SLC14A2: variants seen among roughly 807,000 people sequenced by gnomAD.
SLC14A2 encodes the protein urea transporter 2.
A neutral mutation model predicts 104.6 loss-of-function variants in SLC14A2; 91 were observed. The observed-to-expected ratio is 0.87, with a 90% confidence interval of 0.73 to 1.04. SLC14A2 has a LOEUF of 1.04. SLC14A2 is among the 50% of genes least tolerant of loss of function. The pLI is 0.00. For synonymous variants in SLC14A2, 476 were observed against 466.4 expected, an observed-to-expected ratio of 1.02 and a Z score of -0.27; for missense variants, 1,189 against 1,156.0, an observed-to-expected ratio of 1.03 and a Z score of -0.41.
At chr18:45,395,437 C>A (rs2086018392) in intron 1 of SLC14A2, among the ~76,000 whole-genome samples, 2 of 152,138 alleles carry the variant, frequency 1.3e-5, no homozygotes, top group Middle Eastern at 3.2e-3. Context: ...TATAGAATAT[C>A]AGTCATGCAA....
chr18:45,435,709 G>T (rs1268837537), intron 1 of SLC14A2, among the ~76,000 whole-genome samples: 1 of 152,190 alleles, frequency 6.6e-6, no homozygotes, highest in Non-Finnish European at 1.5e-5. Flanking sequence ...AGTGCCTAGT[G>T]GCTTGTCCCA....
At chr18:45,248,944 T>C (rs551118911) in intron 1 of SLC14A2, among the ~76,000 whole-genome samples, 2 of 152,356 alleles carry the variant, frequency 1.3e-5, no homozygotes, top group African/African-American at 2.4e-5. Flanking sequence ...AAATGATTTA[T>C]GAACCTGAGT....
chr18:45,338,244 A>G (rs2085355590), intron 1 of SLC14A2, among the ~76,000 whole-genome samples: 1 of 152,100 alleles, frequency 6.6e-6, no homozygotes, highest in African/African-American at 2.4e-5. Context: ...TCTGTTACCC[A>G]GGCTGGAGTG....
At chr18:45,564,460 C>A (rs1203776597) in intron 2 of SLC14A2, among the ~76,000 whole-genome samples, 1 of 152,152 alleles carries the variant, frequency 6.6e-6, no homozygotes, top group Non-Finnish European at 1.5e-5. Context: ...TTCCTGGCAG[C>A]TTTTTCCACA....
At chr18:45,677,606 C>A (rs1429681398) in intron 18 of SLC14A2, among the ~76,000 whole-genome samples, 1 of 152,172 alleles carries the variant, frequency 6.6e-6, no homozygotes, top group Non-Finnish European at 1.5e-5. Context: ...ATAATGCTGA[C>A]ACATAGGGAA....
chr18:45,651,598 TGCAGGAGCAGG>T (rs1454172816), intron 10 of SLC14A2, among the ~76,000 whole-genome samples: 1 of 152,182 alleles, frequency 6.6e-6, no homozygotes, highest in Admixed American at 6.5e-5. Context: ...GCCCTGATAG[TGCAGGAGCAGG>T]GTGTGGAGGC....
chr18:45,282,900 C>G (rs1442698978), intron 1 of SLC14A2, among the ~76,000 whole-genome samples: 1 of 151,682 alleles, frequency 6.6e-6, no homozygotes, highest in Admixed American at 6.6e-5. Context: ...TGCAAGTCCC[C>G]TTTGTGATTG....
chr18:45,446,014 C>T (rs16978372), intron 1 of SLC14A2, among the ~76,000 whole-genome samples: 23,886 of 152,090 alleles, frequency 0.16, 2,678 homozygotes, highest in African/African-American at 0.29. Context: ...TCACTGGGTT[C>T]TAACTTAGGC....
chr18:45,519,177 C>T lies in SLC14A2; in HGVS notation c.-35+35855C>T, dbSNP rs533328763. 2.0e-5 allele frequency among the ~76,000 whole-genome samples: 3 copies of T among 152,282 alleles called. No homozygotes were observed. The East Asian group carries it at 5.8e-4, about 29-fold the overall frequency. On this transcript the variant is annotated intron_variant, in intron 2 of 20. Coordinates refer to the SLC14A2 transcript ENST00000586448. The stretch of plus-strand genomic sequence containing the variant: ...ACTAAGAAAATAAAATAAAAAATGT[C>T]GTCCATCTGCAGAGTTATATCCTTA...
chr18:45,658,307 G>A (rs2045877550), intron 10 of SLC14A2, among the ~76,000 whole-genome samples: 1 of 152,186 alleles, frequency 6.6e-6, no homozygotes, highest in Non-Finnish European at 1.5e-5. Context: ...AGGGCCAGGT[G>A]TGGTAGCTCA....
At chr18:45,620,470 C>T (rs1243857901) in intron 1 of SLC14A2, among the ~76,000 whole-genome samples, 1 of 152,176 alleles carries the variant, frequency 6.6e-6, no homozygotes, top group Non-Finnish European at 1.5e-5. Flanking sequence ...TGTCTGCATA[C>T]AGAAGGGACT....
chr18:45,456,196 G>A (rs1036667492), intron 1 of SLC14A2, among the ~76,000 whole-genome samples: 1 of 152,110 alleles, frequency 6.6e-6, no homozygotes, highest in Non-Finnish European at 1.5e-5. Context: ...GCCCCCTGGG[G>A]GCTAAAATCA....
At chr18:45,520,062 G>A (rs899649473) in intron 2 of SLC14A2, among the ~76,000 whole-genome samples, 6 of 152,210 alleles carry the variant, frequency 3.9e-5, no homozygotes, top group African/African-American at 1.4e-4. Flanking sequence ...GGCATGTCTT[G>A]TACGTACCAT....
At chr18:45,355,579 A>G (rs2085545298) in intron 1 of SLC14A2, among the ~76,000 whole-genome samples, 1 of 140,942 alleles carries the variant, frequency 7.1e-6, no homozygotes, top group African/African-American at 2.6e-5. Flanking sequence ...CTCTGTCTCA[A>G]AAAAAAAAAA....
chr18:45,186,238 T>A, the SLC14A2 span, among the ~76,000 whole-genome samples: 1 of 152,148 alleles, frequency 6.6e-6, no homozygotes, highest in African/African-American at 2.4e-5. Flanking sequence ...TCTGTAATAA[T>A]AAAGACTATA....
intron 1 of SLC14A2, among the ~76,000 whole-genome samples, chr18:45,366,221 T>C (rs986976907): frequency 1.3e-5 from 2 of 152,152 alleles, no homozygotes; most frequent in African/African-American, 4.8e-5. Context: ...GCTCCCTGCA[T>C]TGGCTAGCCA....
chr18:45,273,285 C>T (rs1289690125), intron 1 of SLC14A2, among the ~76,000 whole-genome samples: 1 of 152,086 alleles, frequency 6.6e-6, no homozygotes, highest in African/African-American at 2.4e-5. Flanking sequence ...GAATAATTTT[C>T]TCAAAATAGT....
At chr18:45,418,702 T>A (rs2086305370) in intron 1 of SLC14A2, among the ~76,000 whole-genome samples, 1 of 152,196 alleles carries the variant, frequency 6.6e-6, no homozygotes. Context: ...AAAATATTGA[T>A]GTGATCAAAG....
At chr18:45,377,701 C>T (rs1394133926) in intron 1 of SLC14A2, among the ~76,000 whole-genome samples, 1 of 152,140 alleles carries the variant, frequency 6.6e-6, no homozygotes, top group Non-Finnish European at 1.5e-5. Flanking sequence ...CCTGCATTTT[C>T]ACTCCCACTT....
Sources: gnomAD v4.1 joint callset for allele counts (sites outside exome capture counted in the v4.1 genomes callset) on GRCh38, gnomAD v4.1.1 for gene constraint, MANE v1.5 for transcripts, NCBI Gene and HGNC (gene_info 2026-07-23, HGNC 2026-07-21) for gene names.